Variants in GMPS observed in about 807,000 individuals in gnomAD.
GMPS encodes the protein GMP synthase [glutamine-hydrolyzing].
A neutral mutation model predicts 77.9 loss-of-function variants in GMPS; 15 were observed. That is an observed-to-expected ratio of 0.19 (90% CI 0.13 to 0.30). GMPS has a LOEUF of 0.30. GMPS is among the 10% of genes least tolerant of loss of function. GMPS has a pLI of 1.00. For synonymous variants in GMPS, 224 were observed against 275.9 expected (o/e 0.81, Z 1.86); for missense variants, 590 against 838.8 (o/e 0.70, Z 3.66).
At chr3:155,920,999 T>A (rs575682253) in intron 10 of GMPS, among the ~76,000 whole-genome samples, 2 of 152,130 alleles carry the variant, frequency 1.3e-5, no homozygotes, top group South Asian at 4.2e-4. Flanking sequence ...TCCAGCACTT[T>A]GGGAGGCCTA....
intron 4 of GMPS, 24 bp from the exon 5 acceptor site, chr3:155,906,136 G>A (rs900367541): frequency 4.6e-6 from 6 of 1,291,768 alleles, no homozygotes; most frequent in Non-Finnish European, 6.5e-6. Context: ...AGATATTTGT[G>A]TGTTTTATTT....
chr3:155,930,856 C>G (rs1755596472), intron 12 of GMPS, among the ~76,000 whole-genome samples: 1 of 152,080 alleles, frequency 6.6e-6, no homozygotes, highest in African/African-American at 2.4e-5. Context: ...GGGTCTTACT[C>G]TGTTGCCCAG....
Position 155,934,673 on chromosome 3 carries a change from A to C in GMPS, c.1677-243A>C, listed in dbSNP as rs1185314323. Among the ~76,000 whole-genome samples, 4 of 152,366 alleles carry C rather than the reference A, an allele frequency of 2.6e-5. No homozygotes were observed. In the East Asian group the frequency reaches 7.7e-4, roughly 29 times the overall value. ...GTAATAATCACTTATATCTTTGCAC[A>C]TTCTGAGATACAGAATATTCCAGAG... On this transcript the variant is annotated intron_variant, in intron 13 of 15. Coordinates refer to ENST00000496455, the MANE Select transcript of GMPS (RefSeq NM_003875.3).
At chr3:155,918,888 A>G (rs936661467) in intron 9 of GMPS, among the ~76,000 whole-genome samples, 4 of 152,170 alleles carry the variant, frequency 2.6e-5, no homozygotes, top group Non-Finnish European at 5.9e-5. Flanking sequence ...CATTTTCTCA[A>G]TGATAACATT....
chr3:155,917,564 G>A (rs763251765), intron 9 of GMPS, among the ~76,000 whole-genome samples: 2 of 152,070 alleles, frequency 1.3e-5, no homozygotes, highest in Non-Finnish European at 2.9e-5. Flanking sequence ...TGTAGCATGT[G>A]ACAGAATTTC....
intron 14 of GMPS, 32 bp from the exon 15 acceptor site, chr3:155,936,306 T>G: frequency 6.9e-7 from 1 of 1,456,706 alleles, no homozygotes; most frequent in African/African-American, 1.4e-5. Context: ...TTCTATGGTG[T>G]GGTGATTGGT....
intron 2 of GMPS, among the ~76,000 whole-genome samples, 199 bp from the exon 3 acceptor site, chr3:155,897,728 T>C (rs1356514645): frequency 6.6e-6 from 1 of 152,220 alleles, no homozygotes; most frequent in East Asian, 1.9e-4. Flanking sequence ...TTCTAAACAT[T>C]GCAGTAAAGT....
Position 155,890,799 on chromosome 3 carries a change from T to A in GMPS, c.28-2719T>A, listed in dbSNP as rs547454874. Among the ~76,000 whole-genome samples the A allele has an allele frequency of 2.8e-4, 42 of 152,354 alleles. No homozygotes were observed. The South Asian group carries it at 8.7e-3, about 32-fold the overall frequency. On this transcript the variant is annotated intron_variant, in intron 1 of 15. Transcript: ENST00000496455. ...TATATCTAGAGGCTCTCAAACCCTG[T>A]CAGCCTTGCCACAGTCAGCATTTTC... is the stretch of plus-strand genomic sequence containing the variant.
At chr3:155,880,245 ATTTTTGTATCTTTTCT>A (rs1754179817) in intron 1 of GMPS, among the ~76,000 whole-genome samples, 1 of 152,062 alleles carries the variant, frequency 6.6e-6, no homozygotes, top group African/African-American at 2.4e-5. Flanking sequence ...TTTTGAGATA[ATTTTTGTATCTTTTCT>A]AAGGTGGGTT....
At chr3:155,892,117 G>A (rs1399614269) in intron 1 of GMPS, among the ~76,000 whole-genome samples, 1 of 152,056 alleles carries the variant, frequency 6.6e-6, no homozygotes, top group African/African-American at 2.4e-5. Context: ...ATATTGAAGA[G>A]TATAAAGAAA....
intron 13 of GMPS, 58 bp from the exon 14 acceptor site, chr3:155,934,858 A>G (rs1755719557): frequency 8.6e-7 from 1 of 1,158,914 alleles, no homozygotes; most frequent in Non-Finnish European, 1.3e-6. Flanking sequence ...TCATACTAAA[A>G]TGTAATTTCT....
upstream of GMPS, chr3:155,870,570 T>C (rs918805396): frequency 8.7e-6 from 3 of 344,886 alleles, no homozygotes; most frequent in Non-Finnish European, 1.6e-5. Context: ...CTGCGGAGGG[T>C]ATCTGAGGCT....
chr3:155,917,099 A>C (rs1755199472), intron 9 of GMPS, among the ~76,000 whole-genome samples: 1 of 151,662 alleles, frequency 6.6e-6, no homozygotes, highest in South Asian at 2.1e-4. Context: ...TCAGCCTCTC[A>C]AGTAGCTGGG....
chr3:155,900,617 A>G (rs1436275133), intron 3 of GMPS, among the ~76,000 whole-genome samples: 1 of 152,138 alleles, frequency 6.6e-6, no homozygotes, highest in African/African-American at 2.4e-5. Flanking sequence ...GTGTTTCCCC[A>G]TTATGTCAGT....
chr3:155,896,750 T>TA (rs1754614184), intron 2 of GMPS, among the ~76,000 whole-genome samples: 1 of 141,208 alleles, frequency 7.1e-6, no homozygotes, highest in Admixed American at 7.4e-5. Context: ...TTTTTTTTTT[T>TA]TTATAAATTT....
At chr3:155,910,497 AG>A (rs1267776600) in intron 5 of GMPS, among the ~76,000 whole-genome samples, 194 bp from the exon 6 acceptor site, 4 of 145,042 alleles carry the variant, frequency 2.8e-5, no homozygotes, top group Non-Finnish European at 6.0e-5. Flanking sequence ...TGAACCCAGG[AG>A]GCAGAGGTTG....
chr3:155,904,415 G>A (rs1173652648), intron 4 of GMPS, among the ~76,000 whole-genome samples: 1 of 151,260 alleles, frequency 6.6e-6, no homozygotes, highest in African/African-American at 2.4e-5. Flanking sequence ...TCAGCCTCCC[G>A]AGTAGCTGGG....
At chr3:155,925,535 A>G (rs1755433259) in intron 12 of GMPS, among the ~76,000 whole-genome samples, 169 bp downstream of exon 12, 1 of 152,038 alleles carries the variant, frequency 6.6e-6, no homozygotes, top group African/African-American at 2.4e-5. Context: ...TGAAATAAGG[A>G]TTACTTAGGA....
chr3:155,875,551 A>C (rs1340943879), intron 1 of GMPS, among the ~76,000 whole-genome samples: 2 of 152,220 alleles, frequency 1.3e-5, no homozygotes, highest in Non-Finnish European at 2.9e-5. Context: ...CTTTGTTTTT[A>C]TGCCTCTTTC....
Sources: allele counts gnomAD v4.1 joint callset (sites outside exome capture counted in the v4.1 genomes callset), GRCh38; gene constraint gnomAD v4.1.1; transcripts MANE v1.5; gene names NCBI Gene and HGNC (gene_info 2026-07-23, HGNC 2026-07-21).